Variants in RPL6 observed in about 807,000 individuals in gnomAD.
RPL6 encodes large ribosomal subunit protein eL6.
RPL6 carries 1 observed loss-of-function variant against 32.1 expected under a neutral mutation model. The observed-to-expected ratio is 0.03, with a 90% confidence interval of 0.01 to 0.15. The LOEUF is 0.15. Among genes scored for constraint, RPL6 ranks in the 10% least tolerant of loss-of-function variants. RPL6 has a pLI of 1.00. For missense variants in RPL6, 275 were observed against 354.6 expected (o/e 0.78, Z 1.80); for synonymous variants, 126 against 131.6 (o/e 0.96, Z 0.29).
rs753764794 is a variant in RPL6 at position 112,408,297 on chromosome 12, T to C, written c.279A>G (p.Thr93=). The C allele has an allele frequency of 2.5e-5, 41 of 1,614,134 alleles. No homozygotes were observed. The South Asian group carries it at 4.3e-4, about 17-fold the overall frequency. ...CGTTCTTGTCACCACCAACTGGTTT[T>C]GTAACAGTTGCGAGAACCTTCTCCT... ...KKKEKVLATV[T]KPVGGDKNGG... is the part of the protein sequence containing the mutation. The change falls in exon 3 of 7, where the codon ACA becomes ACG. Residue 93 remains threonine (T), a synonymous_variant. Coordinates refer to ENST00000202773, the MANE Select transcript of RPL6 (RefSeq NM_000970.6).
upstream of RPL6, among the ~76,000 whole-genome samples, chr12:112,412,130 C>T (rs542993390): frequency 6.6e-6 from 1 of 152,020 alleles, no homozygotes; most frequent in East Asian, 1.9e-4. Context: ...ACCTTCGCCT[C>T]CCGGGTTCAC....
rs887388556 is a variant in RPL6 at position 112,408,490 on chromosome 12, C to T, written c.167G>A (p.Arg56Lys). 1 of 1,614,016 alleles carries T rather than the reference C, an allele frequency of 6.2e-7. No homozygotes were observed. Residue 56 changes from arginine (R) to lysine (K), a missense_variant, in exon 2 of 7, where the codon AGG becomes AAG. Coordinates refer to ENST00000202773, the MANE Select transcript of RPL6 (RefSeq NM_000970.6). ...RNPVLVRGIGRYSRSAMYSRK... is the reference protein window; with the variant it reads ...RNPVLVRGIGKYSRSAMYSRK... ...GGAATACATGGCAGATCGGGAATAC[C>T]TGCCAATTCCTCTGACAAGGACAGG...
At chr12:112,412,283 C>T (rs1285238786), upstream of RPL6, among the ~76,000 whole-genome samples, 4 of 152,080 alleles carry the variant, frequency 2.6e-5, no homozygotes, top group African/African-American at 4.8e-5. Flanking sequence ...TCGTGATCTG[C>T]CCGCCTCGAC....
chr12:112,408,192 G>C (rs975498658), intron 3 of RPL6, 48 bp downstream of exon 3: 8 of 1,341,504 alleles, frequency 6.0e-6, no homozygotes, highest in Non-Finnish European at 7.4e-6. Flanking sequence ...CATCTTCACA[G>C]TATTCAAGCA....
intron 3 of RPL6, chr12:112,407,940 GA>G: frequency 3.1e-6 from 1 of 318,648 alleles, no homozygotes; most frequent in Non-Finnish European, 5.9e-6. Context: ...GGCTGGTCTT[GA>G]ACTCCTGACC....
At chr12:112,413,033 T>C (rs989694693), upstream of RPL6, among the ~76,000 whole-genome samples, 5 of 152,166 alleles carry the variant, frequency 3.3e-5, no homozygotes, top group Non-Finnish European at 5.9e-5. Flanking sequence ...TTTGTATATG[T>C]ATAAAGTGTG....
intron 1 of RPL6, among the ~76,000 whole-genome samples, chr12:112,415,794 G>C (rs1304175707): frequency 4.0e-5 from 6 of 151,286 alleles, no homozygotes; most frequent in African/African-American, 1.5e-4. Flanking sequence ...GAACTCTTTG[G>C]GCTCAAGAAA....
intron 4 of RPL6, 174 bp downstream of exon 4, chr12:112,406,573 A>T: frequency 2.1e-6 from 2 of 955,486 alleles, no homozygotes; most frequent in Non-Finnish European, 3.1e-6. Flanking sequence ...AATGGCTAAT[A>T]AATCACCATG....
chr12:112,408,499 C>T lies in RPL6; in HGVS notation c.158G>A (p.Gly53Glu). 1 of 1,613,896 alleles carries T rather than the reference C, an allele frequency of 6.2e-7. No individual in the cohort carries two copies. The highest frequency in any genetic ancestry group is 8.5e-7 in the Non-Finnish European group (1 of 1,180,040). ...GGCAGATCGGGAATACCTGCCAATTCCTCTGACAAGGACAGGGTTGCGGCT... is the reference window on the plus strand; with the variant it reads ...GGCAGATCGGGAATACCTGCCAATTTCTCTGACAAGGACAGGGTTGCGGCT... ...HCSRNPVLVR[G>E]IGRYSRSAMY... Residue 53 changes from glycine to glutamate, a missense_variant, in exon 2 of 7, where the codon GGA becomes GAA. Transcript: ENST00000202773.
upstream of RPL6, chr12:112,410,331 C>T (rs1171140777): frequency 1.7e-5 from 5 of 293,796 alleles, no homozygotes; most frequent in South Asian, 7.6e-5. Context: ...TTGGATTTAG[C>T]GGCTGACTAC....
upstream of RPL6, among the ~76,000 whole-genome samples, chr12:112,414,964 G>A (rs2037387537): frequency 6.6e-6 from 1 of 151,936 alleles, no homozygotes; most frequent in Admixed American, 6.6e-5. Flanking sequence ...ATATGATACG[G>A]CTCTTAGATT....
chr12:112,406,648 A>G (rs2037177166), intron 4 of RPL6, 99 bp downstream of exon 4: 31 of 1,459,592 alleles, frequency 2.1e-5, no homozygotes, highest in Middle Eastern at 4.9e-4. Context: ...TGCCCCAAAC[A>G]TAGGTAAATA....
At chr12:112,415,310 T>C (rs2037393582), upstream of RPL6, among the ~76,000 whole-genome samples, 1 of 152,188 alleles carries the variant, frequency 6.6e-6, no homozygotes, top group South Asian at 2.1e-4. Context: ...GGCTCACGCC[T>C]GTAAATCCAA....
In RPL6 at chr12:112,405,257, C is replaced by T. The variant is rs779525048; in HGVS notation, c.834G>A (p.Thr278=). ...QGYLRSVFAL[T]NGIYPHKLVF ...CCAATTTGTGAGGATAAATTCCATT[C>T]GTCAGAGCAAACACAGATCGCAGGT... Residue 278 remains threonine, a synonymous_variant, in exon 7 of 7, where the codon ACG becomes ACA. Coordinates refer to ENST00000202773, the MANE Select transcript of RPL6 (RefSeq NM_000970.6). 1.6e-5 allele frequency: 26 copies of T among 1,590,190 alleles called. No homozygotes were observed. Among genetic ancestry groups the T allele is most frequent in the Admixed American group, 7.6e-5 (4 of 52,866 alleles).
upstream of RPL6, chr12:112,410,175 C>T (rs10466926): frequency 0.039 from 6,284 of 162,176 alleles, 272 homozygotes; most frequent in African/African-American, 0.11. Flanking sequence ...AAAAATTAGC[C>T]GAGTGTGGTT....
Position 112,405,941 on chromosome 12 carries a change from G to T in RPL6, c.626C>A (p.Pro209Gln). The change falls in exon 6 of 7, where the codon CCA (proline) becomes CAA (glutamine). Residue 209 changes from proline (P) to glutamine (Q), a missense_variant. Pro to Gln is a moderately conservative substitution (Grantham distance 76). Coordinates refer to ENST00000202773, the MANE Select transcript of RPL6 (RefSeq NM_000970.6). ...TKIDISNVKI[P>Q]KHLTDAYFKK... ...GAAGTAAGCATCAGTAAGATGTTTT[G>T]GGATTTTTACATTGCTGATATCGAT... 4.3e-6 allele frequency: 7 copies of T among 1,613,954 alleles called. No homozygotes were observed. The highest frequency in any genetic ancestry group is 5.1e-6 in the Non-Finnish European group (6 of 1,179,896).
upstream of RPL6, among the ~76,000 whole-genome samples, chr12:112,415,245 G>A (rs2037392077): frequency 7.3e-6 from 1 of 137,374 alleles, no homozygotes; most frequent in African/African-American, 3.0e-5. Context: ...CGAGTAGTGG[G>A]GAGACGGGGT....
chr12:112,416,667 G>C (rs886306828), intron 1 of RPL6, among the ~76,000 whole-genome samples: 1 of 152,194 alleles, frequency 6.6e-6, no homozygotes, highest in African/African-American at 2.4e-5. Flanking sequence ...ACCTGCCTTG[G>C]CCTCCCAAAG....
chr12:112,407,003 T>C (rs1410451143), intron 3 of RPL6, 113 bp from the exon 4 acceptor site: 1 of 993,790 alleles, frequency 1.0e-6, no homozygotes, highest in Non-Finnish European at 1.5e-6. Context: ...TATAATACTG[T>C]ATTTATATGA....
Sources: allele counts gnomAD v4.1 joint callset (sites outside exome capture counted in the v4.1 genomes callset), GRCh38; gene constraint gnomAD v4.1.1; transcripts MANE v1.5; gene names NCBI Gene and HGNC (gene_info 2026-07-23, HGNC 2026-07-21).